Variants in ITGB5 observed in about 807,000 individuals in gnomAD.
ITGB5 encodes integrin subunit beta 5.
A neutral mutation model predicts 84.8 loss-of-function variants in ITGB5; 38 were observed. That is an observed-to-expected ratio of 0.45 (90% CI 0.35 to 0.59). The LOEUF (loss-of-function observed/expected upper bound fraction) is 0.59. ITGB5 is among the 20% of genes least tolerant of loss of function. The pLI is 0.01. For synonymous variants in ITGB5, 393 were observed against 414.4 expected (o/e 0.95, Z 0.63); for missense variants, 905 against 1,034.5 (o/e 0.87, Z 1.72).
At position 124,773,876 on chromosome 3, in the gene ITGB5, T is replaced by C. The variant is rs778863674; in HGVS notation, c.1730A>G (p.His577Arg). ...GECHCGECKC[H>R]AGYIGDNCNC... ...ACAGTTGTCCCCGATGTAACCTGCATGGCACTTGCATTCCCCGCAGTGACA... is the reference window on the plus strand; with the variant it reads ...ACAGTTGTCCCCGATGTAACCTGCACGGCACTTGCATTCCCCGCAGTGACA... The change falls in exon 11 of 15, where the codon CAT becomes CGT. Residue 577 changes from histidine (H) to arginine (R), a missense_variant. Transcript: ENST00000296181. The C allele has an allele frequency of 6.2e-7, 1 of 1,614,230 alleles. No individual in the cohort carries two copies. Among genetic ancestry groups the C allele is most frequent in the Admixed American group, 1.7e-5 (1 of 60,032 alleles).
chr3:124,855,051 A>G (rs848790), intron 3 of ITGB5, among the ~76,000 whole-genome samples: 23,882 of 152,138 alleles, frequency 0.16, 1,965 homozygotes, highest in South Asian at 0.21. Flanking sequence ...AGTGGCTCAC[A>G]CCTGTAATCC....
At chr3:124,799,035 G>A (rs370981798) in intron 9 of ITGB5, among the ~76,000 whole-genome samples, 1 of 152,210 alleles carries the variant, frequency 6.6e-6, no homozygotes, top group African/African-American at 2.4e-5. Context: ...ATAGCTAGGG[G>A]AGCAGGATCA....
At chr3:124,819,970 A>C (rs2064675670) in intron 6 of ITGB5, 136 bp from the exon 7 acceptor site, 1 of 719,324 alleles carries the variant, frequency 1.4e-6, no homozygotes, top group Non-Finnish European at 2.5e-6. Context: ...AGAGTCCCTT[A>C]ATAACTAAGC....
chr3:124,893,389 C>T (rs1935040389), intron 1 of ITGB5, among the ~76,000 whole-genome samples: 1 of 152,176 alleles, frequency 6.6e-6, no homozygotes, highest in African/African-American at 2.4e-5. Context: ...GCCTGGACAA[C>T]AGAGTGACAC....
chr3:124,776,239 C>T (rs1374374826), intron 10 of ITGB5, among the ~76,000 whole-genome samples: 1 of 152,202 alleles, frequency 6.6e-6, no homozygotes, highest in Non-Finnish European at 1.5e-5. Flanking sequence ...GGTCCTGCCC[C>T]TCCTCTCCAC....
At chr3:124,803,327 C>T (rs1174289728) in intron 9 of ITGB5, among the ~76,000 whole-genome samples, 3 of 152,080 alleles carry the variant, frequency 2.0e-5, no homozygotes, top group African/African-American at 4.8e-5. Flanking sequence ...ACTTGGCTCC[C>T]GATGCTTGAG....
intron 8 of ITGB5, 57 bp from the exon 9 acceptor site, chr3:124,809,213 C>G: frequency 1.9e-6 from 3 of 1,593,126 alleles, no homozygotes; most frequent in Non-Finnish European, 2.6e-6. Flanking sequence ...GGCTGAGGTG[C>G]TCCCACACTG....
At chr3:124,799,509 G>A (rs141750420) in intron 9 of ITGB5, among the ~76,000 whole-genome samples, 26 of 152,272 alleles carry the variant, frequency 1.7e-4, no homozygotes, top group East Asian at 1.4e-3. Flanking sequence ...GCAGTGAGCC[G>A]TGATCGTGTC....
Position 124,763,567 on chromosome 3 carries a change from G to T in ITGB5, c.*56C>A. 9.2e-7 allele frequency: 1 copy of T among 1,084,240 alleles called. No individual in the cohort carries two copies. Among genetic ancestry groups the T allele is most frequent in the Non-Finnish European group, 1.4e-6 (1 of 701,436 alleles). The allele number at this position is 1,084,240 out of a possible 1,614,324, so 67.2% of individuals were successfully genotyped here. Reference sequence around the variant, plus strand: ...ATCAAGCCGAGCAGCCGTGCAAGGCGTTTCAGTCTGACCTTTTCATCAGAT... The same window carrying T: ...ATCAAGCCGAGCAGCCGTGCAAGGCTTTTCAGTCTGACCTTTTCATCAGAT... On this transcript the variant is annotated 3_prime_UTR_variant, in exon 15 of 15. Transcript: ENST00000296181.
chr3:124,874,260 T>C (rs1233597163), intron 1 of ITGB5, among the ~76,000 whole-genome samples: 3 of 136,722 alleles, frequency 2.2e-5, no homozygotes, highest in South Asian at 2.2e-4. Flanking sequence ...ATCGTACCAC[T>C]GCACTCCAGC....
chr3:124,841,422 C>G lies in ITGB5; in HGVS notation c.741G>C (p.Glu247Asp), dbSNP rs1559963083. 1.2e-6 allele frequency: 2 copies of G among 1,614,244 alleles called. No homozygotes were observed. The highest frequency in any genetic ancestry group is 1.7e-6 in the Non-Finnish European group (2 of 1,180,038). The change falls in exon 5 of 15, where the codon GAG becomes GAC. Residue 247 changes from glutamate (E) to aspartate (D), a missense_variant. Physicochemically the swap from Glu to Asp is conservative, Grantham distance 45 (BLOSUM62 2). Transcript: ENST00000296181. ...QRVSRNRDAP[E>D]GGFDAVLQAA... The stretch of plus-strand genomic sequence containing the variant: ...CCTGGAGTACTGCATCAAAGCCCCC[C>G]TCAGGGGCATCTCGGTTCCGGGACA...
chr3:124,809,153 T>C lies in ITGB5; in HGVS notation c.1132A>G (p.Ile378Val), dbSNP rs1252559459. Residue 378 changes from isoleucine to valine, a missense_variant, in exon 9 of 15, where the codon ATC becomes GTC. Coordinates refer to ENST00000296181, the MANE Select transcript of ITGB5 (RefSeq NM_002213.5). ...ACTGACAACTCCACTTTAGACCGGA[T>C]ACTCTGAATGGAGAGAGAAAATGAA... is the stretch of plus-strand genomic sequence containing the variant. ...IQLIINAYNS[I>V]RSKVELSVWD... The C allele has an allele frequency of 3.1e-6, 5 of 1,614,066 alleles. No homozygotes were observed. The highest frequency in any genetic ancestry group is 4.2e-6 in the Non-Finnish European group (5 of 1,179,994).
intron 1 of ITGB5, among the ~76,000 whole-genome samples, chr3:124,898,643 CA>C (rs68025034): frequency 4.2e-3 from 122 of 29,252 alleles, no homozygotes; most frequent in Admixed American, 5.6e-3. Flanking sequence ...GACTCCGTCT[CA>C]AAAAAAAAAA....
intron 1 of ITGB5, among the ~76,000 whole-genome samples, chr3:124,895,766 G>A (rs1935089809): frequency 6.6e-6 from 1 of 152,194 alleles, no homozygotes; most frequent in African/African-American, 2.4e-5. Flanking sequence ...AGTAGCTGAT[G>A]CCCCTTTTGT....
chr3:124,831,775 G>A (rs942024147), intron 5 of ITGB5, among the ~76,000 whole-genome samples: 1 of 152,040 alleles, frequency 6.6e-6, no homozygotes, highest in Non-Finnish European at 1.5e-5. Context: ...CGCAGCCCAG[G>A]GGCCCCAGTT....
At chr3:124,795,163 G>A (rs2064204216) in intron 10 of ITGB5, among the ~76,000 whole-genome samples, 1 of 152,106 alleles carries the variant, frequency 6.6e-6, no homozygotes, top group African/African-American at 2.4e-5. Flanking sequence ...CCATTGGGAG[G>A]AAGTTATTGA....
intron 2 of ITGB5, among the ~76,000 whole-genome samples, chr3:124,865,079 C>T (rs1260654203): frequency 6.6e-6 from 1 of 152,210 alleles, no homozygotes; most frequent in Non-Finnish European, 1.5e-5. Context: ...AGGAAACTAA[C>T]TTTGGGCCCA....
chr3:124,764,371 C>T lies in ITGB5; in HGVS notation c.2304+20G>A. 1 of 1,591,604 alleles carries T rather than the reference C, an allele frequency of 6.3e-7. No individual in the cohort carries two copies. Among genetic ancestry groups the T allele is most frequent in the Non-Finnish European group, 8.6e-7 (1 of 1,161,576 alleles). ...TCTGAGCTTGAAGTCTCCTCTGCTT[C>T]CCATTTCCCACGTGCTTACCATTTC... On this transcript the variant is annotated intron_variant, in intron 14 of 14. Coordinates refer to ENST00000296181, the MANE Select transcript of ITGB5 (RefSeq NM_002213.5).
chr3:124,843,785 G>A (rs1463374958), intron 4 of ITGB5, among the ~76,000 whole-genome samples: 1 of 152,186 alleles, frequency 6.6e-6, no homozygotes, highest in Non-Finnish European at 1.5e-5. Flanking sequence ...CCCCTCTCAT[G>A]TGTCTGTGCT....
Sources: gnomAD v4.1 joint callset for allele counts (sites outside exome capture counted in the v4.1 genomes callset) on GRCh38, gnomAD v4.1.1 for gene constraint, MANE v1.5 for transcripts, NCBI Gene and HGNC (gene_info 2026-07-23, HGNC 2026-07-21) for gene names.